FIG4: variants seen among roughly 807,000 people sequenced by gnomAD.
FIG4 encodes polyphosphoinositide phosphatase.
Under a neutral mutation model 118.6 loss-of-function variants are expected in FIG4, and 112 were observed. The ratio of observed to expected loss-of-function variants is 0.94; its 90% confidence interval spans 0.81 to 1.11. FIG4 has a LOEUF of 1.11. Among genes scored for constraint, FIG4 ranks in the 50% least tolerant of loss-of-function variants. The probability of loss-of-function intolerance (pLI) is 0.00; values close to 1 mark genes in which losing one functional copy is unlikely to be tolerated. For missense variants in FIG4, 969 were observed against 1,111.7 expected (o/e 0.87, Z 1.83); for synonymous variants, 369 against 381.2 (o/e 0.97, Z 0.37).
intron 1 of FIG4, among the ~76,000 whole-genome samples, chr6:109,707,263 T>C (rs1024449624): frequency 6.7e-6 from 1 of 148,600 alleles, no homozygotes; most frequent in Non-Finnish European, 1.5e-5. Flanking sequence ...CTTTATAAAC[T>C]GATGTGTGTG....
At chr6:109,814,537 A>G (rs560221488) in intron 22 of FIG4, among the ~76,000 whole-genome samples, 1 of 152,186 alleles carries the variant, frequency 6.6e-6, no homozygotes, top group African/African-American at 2.4e-5. Context: ...TAAATATTTT[A>G]TGGAAGGTAC....
intron 2 of FIG4, among the ~76,000 whole-genome samples, chr6:109,715,538 G>A (rs1435960451): frequency 6.6e-6 from 1 of 152,126 alleles, no homozygotes; most frequent in Non-Finnish European, 1.5e-5. Flanking sequence ...CAAGCTACTT[G>A]AAGTCAGGGA....
At chr6:109,717,025 T>TA (rs34260253) in intron 3 of FIG4, among the ~76,000 whole-genome samples, 3 of 151,256 alleles carry the variant, frequency 2.0e-5, no homozygotes, top group African/African-American at 7.3e-5. Context: ...TTTTTTTTTT[T>TA]AACTCACTGA....
At chr6:109,759,694 TC>T (rs1777040785) in intron 10 of FIG4, among the ~76,000 whole-genome samples, 2 of 152,328 alleles carry the variant, frequency 1.3e-5, no homozygotes, top group South Asian at 4.1e-4. Context: ...AAGGTTTAGT[TC>T]CATGAATGCC....
In FIG4 at chr6:109,765,157, G is replaced by T; in HGVS notation, c.1579G>T (p.Val527Phe). Reference sequence around the variant, plus strand: ...TAATCTACAGTTTGATACAGATGCAGTTAGGTAAGTCTTATTTTTTGCTAT... The same window carrying T: ...TAATCTACAGTTTGATACAGATGCATTTAGGTAAGTCTTATTTTTTGCTAT... ...KPNLQFDTDA[V>F]RLFEELYEDH... is the part of the protein sequence containing the mutation. The change falls in exon 14 of 23, where the codon GTT becomes TTT. Residue 527 changes from valine to phenylalanine, a missense_variant. This residue lies in a region of FIG4 where 246 missense variants were observed against 354.3 expected (regional missense o/e 0.69). Coordinates refer to ENST00000230124, the MANE Select transcript of FIG4 (RefSeq NM_014845.6). The T allele has an allele frequency of 6.2e-7, 1 of 1,613,990 alleles. No homozygotes were observed.
chr6:109,718,573 G>C (rs1199935861), intron 3 of FIG4, among the ~76,000 whole-genome samples: 1 of 152,136 alleles, frequency 6.6e-6, no homozygotes, highest in African/African-American at 2.4e-5. Flanking sequence ...GGCTCATTTT[G>C]TGTGTTAGGT....
At chr6:109,783,465 C>T (rs1043078272) in intron 16 of FIG4, among the ~76,000 whole-genome samples, 6 of 152,118 alleles carry the variant, frequency 3.9e-5, no homozygotes, top group Non-Finnish European at 5.9e-5. Flanking sequence ...ACACAGTTCC[C>T]TCTTGTGTTT....
intron 22 of FIG4, among the ~76,000 whole-genome samples, chr6:109,797,820 C>A (rs1032431509): frequency 6.7e-6 from 1 of 149,102 alleles, no homozygotes; most frequent in Non-Finnish European, 1.5e-5. Context: ...TGTTTGAACT[C>A]GGGAGGCGGA....
At chr6:109,813,885 G>A (rs1204881099) in intron 22 of FIG4, among the ~76,000 whole-genome samples, 1 of 152,146 alleles carries the variant, frequency 6.6e-6, no homozygotes, top group Non-Finnish European at 1.5e-5. Context: ...AGTAAACTTG[G>A]AAGAGGATGC....
At chr6:109,724,581 A>G (rs1775731377) in intron 3 of FIG4, among the ~76,000 whole-genome samples, 1 of 152,110 alleles carries the variant, frequency 6.6e-6, no homozygotes, top group Non-Finnish European at 1.5e-5. Context: ...TAGCTTCTCC[A>G]AGTAGTGGTT....
intron 16 of FIG4, 60 bp from the exon 17 acceptor site, chr6:109,784,910 A>C: frequency 1.1e-6 from 1 of 872,470 alleles, no homozygotes; most frequent in Non-Finnish European, 1.8e-6. Context: ...TTATCCAGTA[A>C]ATTTTAGAAA....
At chr6:109,751,549 T>G (rs1341206118) in intron 10 of FIG4, among the ~76,000 whole-genome samples, 1 of 152,130 alleles carries the variant, frequency 6.6e-6, no homozygotes, top group Non-Finnish European at 1.5e-5. Flanking sequence ...GGTACTGGGC[T>G]TTTTTTGGTT....
At chr6:109,755,043 G>A (rs569416347) in intron 10 of FIG4, among the ~76,000 whole-genome samples, 5 of 151,564 alleles carry the variant, frequency 3.3e-5, no homozygotes, top group African/African-American at 9.7e-5. Flanking sequence ...TGTCAATTTT[G>A]GATCTTTCCT....
intron 22 of FIG4, among the ~76,000 whole-genome samples, chr6:109,800,248 T>G (rs4337968): frequency 1 from 152,092 of 152,340 alleles, 75,922 homozygotes; most frequent in Middle Eastern, 1. Context: ...AGCAATGCTT[T>G]ATTATTAGCA....
intron 22 of FIG4, among the ~76,000 whole-genome samples, chr6:109,815,170 G>T (rs1431303538): frequency 6.6e-6 from 1 of 151,950 alleles, no homozygotes; most frequent in Admixed American, 6.6e-5. Context: ...ATGTTTATTT[G>T]ATTTATTCCC....
chr6:109,696,029 C>T (rs1016392584), intron 1 of FIG4, among the ~76,000 whole-genome samples: 1 of 152,180 alleles, frequency 6.6e-6, no homozygotes, highest in Admixed American at 6.5e-5. Flanking sequence ...GGGTGGTCTG[C>T]TGCTGTGGGC....
chr6:109,708,658 A>G (rs1775164708), intron 1 of FIG4, among the ~76,000 whole-genome samples: 1 of 152,154 alleles, frequency 6.6e-6, no homozygotes, highest in Non-Finnish European at 1.5e-5. Context: ...AGTAATAGCC[A>G]TTCTGACTGG....
Position 109,721,607 on chromosome 6 carries a change from A to G in FIG4, c.289+5039A>G, listed in dbSNP as rs185150841. On this transcript the variant is annotated intron_variant, in intron 3 of 22. Coordinates refer to ENST00000230124, the MANE Select transcript of FIG4 (RefSeq NM_014845.6). ...TCATCTTGTCTTCTGGAAAGTACTC[A>G]GTGAAATTGGTCTGGGGTCAGAAGT... 2.0e-5 allele frequency among the ~76,000 whole-genome samples: 3 copies of G among 152,254 alleles called. No homozygotes were observed. The East Asian group carries it at 5.8e-4, about 29-fold the overall frequency.
At chr6:109,711,804 G>T (rs1775273402) in intron 1 of FIG4, among the ~76,000 whole-genome samples, 1 of 152,102 alleles carries the variant, frequency 6.6e-6, no homozygotes, top group African/African-American at 2.4e-5. Context: ...CTATCATCAG[G>T]ATGTTAGCGG....
Sources: gnomAD v4.1 joint callset for allele counts (sites outside exome capture counted in the v4.1 genomes callset) on GRCh38, gnomAD v4.1.1 for gene constraint, gnomAD v4.1.1 regional missense constraint, MANE v1.5 for transcripts, NCBI Gene and HGNC (gene_info 2026-07-23, HGNC 2026-07-21) for gene names.